The following HMCN1 variants were observed in gnomAD, a reference collection of about 807,000 sequenced individuals.
HMCN1 encodes hemicentin 1.
A neutral mutation model predicts 625.9 loss-of-function variants in HMCN1; 321 were observed. That is an observed-to-expected ratio of 0.51 (90% CI 0.47 to 0.56). HMCN1 has a LOEUF of 0.56. HMCN1 is among the 20% of genes least tolerant of loss of function. The pLI, the probability that HMCN1 is intolerant of heterozygous loss-of-function variation, is 0.00. For synonymous variants in HMCN1, 2,425 were observed against 2,417.6 expected, an observed-to-expected ratio of 1.00 and a Z score of -0.09; for missense variants, 6,588 against 6,887.3, an observed-to-expected ratio of 0.96 and a Z score of 1.54.
chr1:185,918,148 G>A (rs1457761368), intron 6 of HMCN1, among the ~76,000 whole-genome samples: 2 of 152,160 alleles, frequency 1.3e-5, no homozygotes, highest in Non-Finnish European at 2.9e-5. Context: ...TCTGCAAGCT[G>A]GGGAAGAAAG....
chr1:186,007,393 A>C, intron 30 of HMCN1, 111 bp downstream of exon 30: 1 of 964,358 alleles, frequency 1.0e-6, no homozygotes, highest in Non-Finnish European at 1.6e-6. Flanking sequence ...GGAATACTAC[A>C]TACTTCAAGA....
chr1:186,073,910 G>C (rs1159846886), intron 52 of HMCN1, among the ~76,000 whole-genome samples: 1 of 152,034 alleles, frequency 6.6e-6, no homozygotes, highest in African/African-American at 2.4e-5. Context: ...ATAAGGTCTA[G>C]GTATGACTCC....
At chr1:186,076,348 A>G (rs1411541105) in intron 53 of HMCN1, 80 bp from the exon 54 acceptor site, 3 of 1,331,640 alleles carry the variant, frequency 2.3e-6, no homozygotes, top group Non-Finnish European at 3.2e-6. Flanking sequence ...TGCTTTTACA[A>G]ATCACTCTGG....
intron 6 of HMCN1, among the ~76,000 whole-genome samples, chr1:185,915,106 C>T (rs1005994055): frequency 7.2e-5 from 11 of 151,908 alleles, no homozygotes; most frequent in Non-Finnish European, 1.6e-4. Context: ...GGCACTTTCA[C>T]TAAGCAGAGA....
intron 81 of HMCN1, 125 bp downstream of exon 81, chr1:186,123,345 G>A: frequency 2.6e-6 from 3 of 1,146,554 alleles, no homozygotes; most frequent in Non-Finnish European, 3.8e-6. Flanking sequence ...TGTGTGTGGG[G>A]GTGTGGTGTG....
chr1:186,045,454 C>T (rs186105688), intron 40 of HMCN1, among the ~76,000 whole-genome samples: 173 of 152,044 alleles, frequency 1.1e-3, no homozygotes, highest in African/African-American at 4.0e-3. Context: ...GAGAACTTCC[C>T]GTTCTAAAAG....
At chr1:185,855,165 T>C (rs1055487830) in intron 2 of HMCN1, among the ~76,000 whole-genome samples, 8 of 152,210 alleles carry the variant, frequency 5.3e-5, no homozygotes, top group Admixed American at 1.3e-4. Context: ...TCTTAGACCC[T>C]GTCCCTGCCC....
intron 1 of HMCN1, among the ~76,000 whole-genome samples, chr1:185,780,776 C>T (rs1029084870): frequency 5.8e-4 from 89 of 152,198 alleles, no homozygotes; most frequent in Middle Eastern, 3.4e-3. Context: ...ATTTTTGCAT[C>T]GATGTTGATC....
At chr1:185,834,683 C>T (rs1450971995) in intron 1 of HMCN1, among the ~76,000 whole-genome samples, 2 of 152,022 alleles carry the variant, frequency 1.3e-5, no homozygotes, top group Non-Finnish European at 2.9e-5. Flanking sequence ...CAGCCTATAG[C>T]CAAGAGGAGG....
chr1:185,803,204 G>GAAAAAAAAAAAAAAAAAAAAAAAA (rs1557981375), intron 1 of HMCN1, among the ~76,000 whole-genome samples: 18 of 23,694 alleles, frequency 7.6e-4, no homozygotes, highest in East Asian at 2.5e-3. Flanking sequence ...AAAAAAAAAA[G>GAAAAAAAAAAAAAAAAAAAAAAAA]CAAAAAAAAA....
rs1261838602 is a variant in HMCN1, at chr1:185,994,920, G to T, written c.3611G>T (p.Trp1204Leu). 1.2e-6 allele frequency: 2 copies of T among 1,613,696 alleles called. No homozygotes were observed. The highest frequency in any genetic ancestry group is 2.7e-5 in the African/African-American group (2 of 74,886). Residue 1204 changes from tryptophan (W) to leucine (L), a missense_variant, in exon 24 of 107, where the codon TGG (tryptophan) becomes TTG (leucine). Physicochemically the swap from Trp to Leu is moderately conservative, Grantham distance 61. Around this residue, in one of 3 missense-constraint regions of HMCN1, gnomAD observed 4,628 missense variants for 4,853.1 expected, o/e 0.95. Coordinates refer to ENST00000271588, the MANE Select transcript of HMCN1 (RefSeq NM_031935.3). ...AQGTPLPVITWSKGGSTMLVD... is the reference protein window; with the variant it reads ...AQGTPLPVITLSKGGSTMLVD... ...GGGACTCCTCTTCCTGTAATCACCTGGTCCAAAGGTGGAAGCACTATGCTG... is the reference window on the plus strand; with the variant it reads ...GGGACTCCTCTTCCTGTAATCACCTTGTCCAAAGGTGGAAGCACTATGCTG...
intron 1 of HMCN1, among the ~76,000 whole-genome samples, chr1:185,749,030 G>A (rs1488306863): frequency 6.6e-6 from 1 of 152,192 alleles, no homozygotes; most frequent in African/African-American, 2.4e-5. Context: ...GGGGTAGGAA[G>A]AGGGCTTTAT....
intron 23 of HMCN1, 186 bp downstream of exon 23, chr1:185,993,495 C>A: frequency 1.7e-6 from 1 of 594,306 alleles, no homozygotes; most frequent in African/African-American, 1.9e-5. Flanking sequence ...TATTTATAAA[C>A]AATCTTCTGT....
intron 64 of HMCN1, among the ~76,000 whole-genome samples, chr1:186,092,606 C>G (rs998781771): frequency 4.6e-5 from 7 of 151,556 alleles, no homozygotes; most frequent in African/African-American, 1.7e-4. Flanking sequence ...GTATATTTAT[C>G]TTTTACTATT....
At chr1:185,888,028 T>C (rs1664783797) in intron 4 of HMCN1, among the ~76,000 whole-genome samples, 1 of 140,916 alleles carries the variant, frequency 7.1e-6, no homozygotes, top group Non-Finnish European at 1.5e-5. Context: ...TATCTCATTG[T>C]GGTTTTGATT....
At chr1:185,780,708 G>A (rs947384731) in intron 1 of HMCN1, among the ~76,000 whole-genome samples, 4 of 152,180 alleles carry the variant, frequency 2.6e-5, no homozygotes, top group East Asian at 1.9e-4. Flanking sequence ...CCACTTGATT[G>A]TGGTGGATAA....
At chr1:186,180,589 A>G (rs965472913) in intron 104 of HMCN1, among the ~76,000 whole-genome samples, 2 of 152,178 alleles carry the variant, frequency 1.3e-5, no homozygotes, top group Non-Finnish European at 2.9e-5. Flanking sequence ...CAGTTTCATC[A>G]TAGTAGAGTC....
intron 103 of HMCN1, 109 bp from the exon 104 acceptor site, chr1:186,178,307 G>T (rs1266456716): frequency 1.4e-5 from 11 of 812,768 alleles, no homozygotes; most frequent in Non-Finnish European, 2.1e-5. Context: ...TGGCTTTGGA[G>T]GGTAACAATG....
chr1:185,734,635 A>C lies in HMCN1; in HGVS notation c.-145A>C, dbSNP rs1204236665. On this transcript the variant is annotated 5_prime_UTR_variant, in exon 1 of 107. Coordinates refer to ENST00000271588, the MANE Select transcript of HMCN1 (RefSeq NM_031935.3). Reference sequence around the variant, plus strand: ...CGAGTTTGGTGCTTGTCCCCGTCTGATTCTCAGCGCCAAACTTTTTGCTAG... The same window carrying C: ...CGAGTTTGGTGCTTGTCCCCGTCTGCTTCTCAGCGCCAAACTTTTTGCTAG... 7.7e-6 allele frequency: 6 copies of C among 774,666 alleles called. No individual in the cohort carries two copies. Among genetic ancestry groups the C allele is most frequent in the Non-Finnish European group, 1.3e-5 (6 of 455,168 alleles). 48.0% of individuals were successfully genotyped at this position (774,666 alleles called of 1,614,324 possible).
Sources: gnomAD v4.1 joint callset for allele counts (sites outside exome capture counted in the v4.1 genomes callset) on GRCh38, gnomAD v4.1.1 for gene constraint, gnomAD v4.1.1 regional missense constraint, MANE v1.5 for transcripts, NCBI Gene and HGNC (gene_info 2026-07-23, HGNC 2026-07-21) for gene names.